KLHL7: variants seen among roughly 807,000 people sequenced by gnomAD.
KLHL7 encodes kelch-like protein 7.
In KLHL7, 44 loss-of-function variants were observed where a neutral mutation model predicts 67.4. That is an observed-to-expected ratio of 0.65 (90% CI 0.51 to 0.84). The LOEUF is 0.84. KLHL7 is among the 40% of genes least tolerant of loss of function. The pLI is 0.00. For synonymous variants in KLHL7, 252 were observed against 243.3 expected (o/e 1.04, Z -0.33); for missense variants, 362 against 718.1 (o/e 0.50, Z 5.67).
At chr7:23,111,566 A>G (rs1782871243) in intron 1 of KLHL7, among the ~76,000 whole-genome samples, 1 of 152,142 alleles carries the variant, frequency 6.6e-6, no homozygotes, top group African/African-American at 2.4e-5. Flanking sequence ...CACACATGTA[A>G]TCCCAGCACT....
At chr7:23,144,495 A>G (rs142694213) in intron 6 of KLHL7, among the ~76,000 whole-genome samples, 61 of 152,340 alleles carry the variant, frequency 4.0e-4, no homozygotes, top group African/African-American at 1.4e-3. Flanking sequence ...TGTCTATACA[A>G]TTAAACAATC....
Position 23,117,037 on chromosome 7 carries a change from T to G in KLHL7, c.121-6740T>G, listed in dbSNP as rs190238117. ...GAAATCCTCTAATTTTCTCTTAATA[T>G]CTTTAGCATTAAGAGGAATCATAAA... On this transcript the variant is annotated intron_variant, in intron 1 of 10. Coordinates refer to ENST00000339077, the MANE Select transcript of KLHL7 (RefSeq NM_001031710.3). 7.5e-4 allele frequency among the ~76,000 whole-genome samples: 114 copies of G among 151,672 alleles called. 1 individual carries two copies. In the Middle Eastern group the frequency reaches 0.01, roughly 14 times the overall value.
At chr7:23,106,321 C>G in intron 1 of KLHL7, 175 bp downstream of exon 1, 1 of 1,466,750 alleles carries the variant, frequency 6.8e-7, no homozygotes, top group South Asian at 1.4e-5. Context: ...GCGCGTAAAA[C>G]AATTCTCGAG....
At chr7:23,167,657 A>G (rs1235271053) in intron 8 of KLHL7, among the ~76,000 whole-genome samples, 179 bp from the exon 9 acceptor site, 2 of 152,220 alleles carry the variant, frequency 1.3e-5, no homozygotes, top group African/African-American at 4.8e-5. Flanking sequence ...GGGTCTATAC[A>G]AACAGGATTA....
chr7:23,164,232 T>C (rs1191779958), intron 7 of KLHL7, among the ~76,000 whole-genome samples: 1 of 149,184 alleles, frequency 6.7e-6, no homozygotes, highest in Non-Finnish European at 1.5e-5. Context: ...CCCATATAGC[T>C]CTCAAGTAAT....
chr7:23,168,948 C>T (rs1478303390), intron 9 of KLHL7, among the ~76,000 whole-genome samples: 1 of 152,016 alleles, frequency 6.6e-6, no homozygotes, highest in Non-Finnish European at 1.5e-5. Context: ...TCAACTCCAG[C>T]TACTGCTTTT....
Position 23,174,041 on chromosome 7 carries a change from G to C in KLHL7, c.1504G>C (p.Asp502His). 1 of 1,614,044 alleles carries C rather than the reference G, an allele frequency of 6.2e-7. No homozygotes were observed. The highest frequency in any genetic ancestry group is 8.5e-7 in the Non-Finnish European group (1 of 1,179,968). ...TGGTCTGGACAATGTGGAATATTAC[G>C]ATATTAAGTTGAACGAATGGAAGAT... ...LGGLDNVEYY[D>H]IKLNEWKMVS... Residue 502 changes from aspartate to histidine, a missense_variant, in exon 11 of 11, where the codon GAT (aspartate) becomes CAT (histidine). Coordinates refer to ENST00000339077, the MANE Select transcript of KLHL7 (RefSeq NM_001031710.3).
Position 23,117,936 on chromosome 7 carries a change from C to T in KLHL7, c.121-5841C>T, listed in dbSNP as rs1554285052. The T allele has an allele frequency of 6.2e-6, 10 of 1,614,082 alleles. No homozygotes were observed. The South Asian group carries it at 1.1e-4, about 18-fold the overall frequency. ...ATGCTGGGAGGGACTGATTGCAGAACCTTCTTGACAAGCCACATAAATCTA... is the reference window on the plus strand; with the variant it reads ...ATGCTGGGAGGGACTGATTGCAGAATCTTCTTGACAAGCCACATAAATCTA... On this transcript the variant is annotated intron_variant, in intron 1 of 10. Transcript: ENST00000339077.
rs567464771 is a variant in KLHL7 at position 23,141,915 on chromosome 7, A to G, written c.618+971A>G. Among the ~76,000 whole-genome samples, 66 of 137,980 alleles carry G rather than the reference A, an allele frequency of 4.8e-4. 1 individual carries two copies. The highest frequency in any genetic ancestry group is 1.6e-3 in the South Asian group (7 of 4,364). 90.5% of individuals were successfully genotyped at this position (137,980 alleles called of 152,430 possible). On this transcript the variant is annotated intron_variant, in intron 5 of 10. Coordinates refer to ENST00000339077, the MANE Select transcript of KLHL7 (RefSeq NM_001031710.3). Reference sequence around the variant, plus strand: ...TGGGATTACAGGCGTGAGCCACCGCACCCGGCCTTATTTATTTTTTTGAGA... The same window carrying G: ...TGGGATTACAGGCGTGAGCCACCGCGCCCGGCCTTATTTATTTTTTTGAGA...
Position 23,124,688 on chromosome 7 carries a change from C to T in KLHL7, c.224C>T (p.Thr75Ile). The T allele has an allele frequency of 6.3e-7, 1 of 1,591,500 alleles. No homozygotes were observed. Among genetic ancestry groups the T allele is most frequent in the Non-Finnish European group, 8.6e-7 (1 of 1,159,390 alleles). Residue 75 changes from threonine to isoleucine, a missense_variant and splice_region_variant, in exon 3 of 11, where the codon ACT (threonine) becomes ATT (isoleucine). Physicochemically the swap from Thr to Ile is moderately conservative, Grantham distance 89. Coordinates refer to ENST00000339077, the MANE Select transcript of KLHL7 (RefSeq NM_001031710.3). ...ASHFFNLMFTTNMLESKSFEV... is the reference protein window; with the variant it reads ...ASHFFNLMFTINMLESKSFEV... ...TTTATGTTTCTTCTCTTCATTGTAG[C>T]TAACATGCTTGAATCAAAGTCCTTT...
chr7:23,131,816 C>G (rs1206730542), intron 4 of KLHL7, among the ~76,000 whole-genome samples: 1 of 145,312 alleles, frequency 6.9e-6, no homozygotes, highest in Non-Finnish European at 1.5e-5. Context: ...AACCATCTTT[C>G]TACTCTCTGT....
intron 7 of KLHL7, 87 bp downstream of exon 7, chr7:23,152,296 T>G: frequency 8.4e-7 from 1 of 1,190,228 alleles, no homozygotes; most frequent in Non-Finnish European, 1.2e-6. Flanking sequence ...TAGTAATAAC[T>G]CATACCTTTA....
rs1784158075 is a variant in KLHL7 at position 23,140,835 on chromosome 7, A to G, written c.509A>G (p.His170Arg). ...ELKATADDFI[H>R]QHFTEVYKTD... ...AAAGCAACTGCAGATGACTTTATTC[A>G]TCAGCACTTTACTGAAGTTTACAAA... The change falls in exon 5 of 11, where the codon CAT (histidine) becomes CGT (arginine). Residue 170 changes from histidine (H) to arginine (R), a missense_variant. Transcript: ENST00000339077. 6.2e-7 allele frequency: 1 copy of G among 1,613,970 alleles called. No homozygotes were observed. The highest frequency in any genetic ancestry group is 1.7e-5 in the Admixed American group (1 of 60,006).
At position 23,106,931 on chromosome 7, in the gene KLHL7, A is replaced by G. The variant is rs563587226; in HGVS notation, c.120+785A>G. On this transcript the variant is annotated intron_variant, in intron 1 of 10. Transcript: ENST00000339077. ...CTTTCTGTAAGCTTTATTTATAGAT[A>G]ATACACATCTAAGTAGATTTGTGGG... The G allele has an allele frequency of 1.1e-5, 6 of 545,034 alleles. No homozygotes were observed. In the South Asian group the frequency reaches 4.0e-4, roughly 36 times the overall value. The allele number at this position is 545,034 out of a possible 1,614,324, so 33.8% of individuals were successfully genotyped here.
In KLHL7 at chr7:23,170,584, A is replaced by C. The variant is rs528845679; in HGVS notation, c.1380-2364A>C. Among the ~76,000 whole-genome samples the C allele has an allele frequency of 5.5e-4, 84 of 152,386 alleles. 1 individual carries two copies. The South Asian group carries it at 0.011, about 20-fold the overall frequency. On this transcript the variant is annotated intron_variant, in intron 9 of 10. Transcript: ENST00000339077. ...AGAGAAGAATTGGAATGTTCCCAAC[A>C]CAAAGAAAAGATATTCCTCAGCAGC...
At chr7:23,172,756 T>C in intron 9 of KLHL7, 192 bp from the exon 10 acceptor site, 1 of 530,100 alleles carries the variant, frequency 1.9e-6, no homozygotes, top group Non-Finnish European at 3.4e-6. Context: ...ATCCATGTTT[T>C]CCCCGTGTAT....
rs1782856004 is a variant in KLHL7, at chr7:23,111,214, A to G, written c.120+5068A>G. ...GGTCATTGAGAGCTGAAATAAGAGT[A>G]GGTGTTAACTAGGTAAAGAGAAAAG... is the stretch of plus-strand genomic sequence containing the variant. On this transcript the variant is annotated intron_variant, in intron 1 of 10. Coordinates refer to ENST00000339077, the MANE Select transcript of KLHL7 (RefSeq NM_001031710.3). 2.6e-5 allele frequency among the ~76,000 whole-genome samples: 4 copies of G among 152,192 alleles called. No homozygotes were observed. The South Asian group carries it at 8.3e-4, about 32-fold the overall frequency.
intron 4 of KLHL7, among the ~76,000 whole-genome samples, chr7:23,139,797 T>A (rs1784113810): frequency 6.6e-6 from 1 of 152,212 alleles, no homozygotes; most frequent in Non-Finnish European, 1.5e-5. Context: ...GAGCAGACTT[T>A]TCCTGTAAAG....
At chr7:23,117,750 C>A in intron 1 of KLHL7, 2 of 1,255,950 alleles carry the variant, frequency 1.6e-6, no homozygotes, top group Non-Finnish European at 2.2e-6. Flanking sequence ...TTTATTATTG[C>A]TTTATTGAAG....
Sources: gnomAD v4.1 joint callset for allele counts (sites outside exome capture counted in the v4.1 genomes callset) on GRCh38, gnomAD v4.1.1 for gene constraint, MANE v1.5 for transcripts, NCBI Gene and HGNC (gene_info 2026-07-23, HGNC 2026-07-21) for gene names.